The following CTNNA2 variants were observed in gnomAD, a reference collection of about 807,000 sequenced individuals.
CTNNA2 encodes catenin alpha 2.
In CTNNA2, 42 loss-of-function variants were observed where a neutral mutation model predicts 101.0. That is an observed-to-expected ratio of 0.42 (90% CI 0.32 to 0.54). CTNNA2 has a LOEUF of 0.54. Among genes scored for constraint, CTNNA2 ranks in the 20% least tolerant of loss-of-function variants. The probability of loss-of-function intolerance (pLI) is 0.14; values close to 1 mark genes in which losing one functional copy is unlikely to be tolerated. For synonymous variants in CTNNA2, 450 were observed against 456.4 expected (o/e 0.99, Z 0.18); for missense variants, 871 against 1,223.1 (o/e 0.71, Z 4.29).
chr2:79,896,275 AC>A, intron 6 of CTNNA2, among the ~76,000 whole-genome samples: 1 of 143,160 alleles, frequency 7.0e-6, no homozygotes, highest in South Asian at 2.3e-4. Flanking sequence ...AGAGTATGAG[AC>A]CCTGTCTCAA....
At chr2:80,595,102 T>C (rs901302120) in intron 15 of CTNNA2, among the ~76,000 whole-genome samples, 2 of 152,116 alleles carry the variant, frequency 1.3e-5, no homozygotes, top group Non-Finnish European at 2.9e-5. Context: ...AGTATTGACA[T>C]CTTAATATTA....
intron 2 of CTNNA2, among the ~76,000 whole-genome samples, chr2:79,233,254 T>C (rs952942662): frequency 2.0e-5 from 3 of 152,204 alleles, no homozygotes; most frequent in Non-Finnish European, 4.4e-5. Flanking sequence ...GTAAGGTGTG[T>C]CTCTATATTC....
intron 7 of CTNNA2, among the ~76,000 whole-genome samples, chr2:80,069,638 C>A (rs1205655345): frequency 2.0e-5 from 3 of 151,882 alleles, no homozygotes; most frequent in Admixed American, 6.6e-5. Context: ...TATATAAAGT[C>A]AAAACATATT....
chr2:80,224,184 A>C (rs567838116), intron 7 of CTNNA2, among the ~76,000 whole-genome samples: 2 of 152,194 alleles, frequency 1.3e-5, no homozygotes, highest in African/African-American at 4.8e-5. Flanking sequence ...GACACTCTCA[A>C]CTGCCAGCTA....
chr2:79,812,913 C>T (rs567950680), intron 3 of CTNNA2, among the ~76,000 whole-genome samples: 4 of 152,196 alleles, frequency 2.6e-5, no homozygotes, highest in African/African-American at 4.8e-5. Flanking sequence ...AGCTCAGCCT[C>T]CACACCCCAA....
At chr2:79,281,843 G>A (rs1397835778) in intron 2 of CTNNA2, among the ~76,000 whole-genome samples, 1 of 152,120 alleles carries the variant, frequency 6.6e-6, no homozygotes, top group African/African-American at 2.4e-5. Context: ...TAGATTCCAG[G>A]AGCATGTTAG....
intron 3 of CTNNA2, among the ~76,000 whole-genome samples, chr2:79,837,681 T>C (rs1325188347): frequency 6.6e-6 from 1 of 152,108 alleles, no homozygotes; most frequent in Non-Finnish European, 1.5e-5. Flanking sequence ...AATTGTTATC[T>C]TTTTACTCCC....
At chr2:79,861,432 A>C (rs1354968644) in intron 4 of CTNNA2, among the ~76,000 whole-genome samples, 1 of 152,196 alleles carries the variant, frequency 6.6e-6, no homozygotes. Flanking sequence ...TAGTCACTTG[A>C]GTAATCACAG....
At chr2:79,332,003 CAT>C (rs538875636) in intron 3 of CTNNA2, among the ~76,000 whole-genome samples, 114 of 152,198 alleles carry the variant, frequency 7.5e-4, no homozygotes, top group African/African-American at 2.3e-3. Context: ...TATGTCATGA[CAT>C]ATATCAGCTC....
intron 2 of CTNNA2, among the ~76,000 whole-genome samples, chr2:79,294,906 G>C (rs958724180): frequency 6.6e-6 from 1 of 151,994 alleles, no homozygotes; most frequent in African/African-American, 2.4e-5. Flanking sequence ...CTTATCTGCT[G>C]ATGGATATAT....
intron 3 of CTNNA2, among the ~76,000 whole-genome samples, chr2:79,761,886 C>T (rs1672812455): frequency 6.6e-6 from 1 of 152,196 alleles, no homozygotes; most frequent in South Asian, 2.1e-4. Flanking sequence ...TTACCTAATA[C>T]ATTTAAAATA....
chr2:80,114,058 G>C (rs1393074847), intron 7 of CTNNA2, among the ~76,000 whole-genome samples: 1 of 152,038 alleles, frequency 6.6e-6, no homozygotes, highest in Non-Finnish European at 1.5e-5. Flanking sequence ...CTTTCTGATG[G>C]GCACTGAGAG....
intron 7 of CTNNA2, among the ~76,000 whole-genome samples, chr2:80,189,748 T>A (rs368757986): frequency 6.7e-6 from 1 of 148,362 alleles, no homozygotes; most frequent in Non-Finnish European, 1.5e-5. Context: ...CTCAACCAGT[T>A]AAAAAAAAAA....
At chr2:79,581,778 A>G (rs1676162809) in intron 1 of CTNNA2, among the ~76,000 whole-genome samples, 1 of 152,252 alleles carries the variant, frequency 6.6e-6, no homozygotes, top group African/African-American at 2.4e-5. Context: ...TGACTAAATC[A>G]TTCTTCTGGC....
intron 7 of CTNNA2, among the ~76,000 whole-genome samples, chr2:80,308,473 T>G (rs1259890061): frequency 6.6e-6 from 1 of 152,062 alleles, no homozygotes; most frequent in Non-Finnish European, 1.5e-5. Context: ...AGAGTGGGAG[T>G]CACAATTTCA....
chr2:79,695,153 A>G lies in CTNNA2; in HGVS notation c.102+43495A>G, dbSNP rs572382863. Reference sequence around the variant, plus strand: ...TTAAAAAACTGCTAAGCTCCATTCCATTATGTTTGGAAGGTCATGGATTTA... The same window carrying G: ...TTAAAAAACTGCTAAGCTCCATTCCGTTATGTTTGGAAGGTCATGGATTTA... On this transcript the variant is annotated intron_variant, in intron 2 of 18. Coordinates refer to ENST00000402739, the MANE Select transcript of CTNNA2 (RefSeq NM_001282597.3). Among the ~76,000 whole-genome samples, 101 of 151,262 alleles carry G rather than the reference A, an allele frequency of 6.7e-4. No homozygotes were observed. The South Asian group carries it at 0.012, about 17-fold the overall frequency.
intron 1 of CTNNA2, among the ~76,000 whole-genome samples, chr2:79,605,721 T>C (rs562608100): frequency 1.3e-5 from 2 of 152,080 alleles, no homozygotes; most frequent in South Asian, 4.1e-4. Flanking sequence ...TTGGGCAACA[T>C]TGTAAGACAC....
intron 3 of CTNNA2, among the ~76,000 whole-genome samples, chr2:79,338,364 G>A (rs753144642): frequency 1.4e-4 from 22 of 151,974 alleles, no homozygotes; most frequent in African/African-American, 5.3e-4. Context: ...ACTATTCACA[G>A]TGAGTCCAGT....
At chr2:80,345,212 C>A (rs1257461045) in intron 7 of CTNNA2, among the ~76,000 whole-genome samples, 2 of 152,180 alleles carry the variant, frequency 1.3e-5, no homozygotes, top group Admixed American at 1.3e-4. Context: ...TGGCCCCCTC[C>A]CCCTTATCTC....
Sources: allele counts gnomAD v4.1 joint callset (sites outside exome capture counted in the v4.1 genomes callset), GRCh38; gene constraint gnomAD v4.1.1; transcripts MANE v1.5; gene names NCBI Gene and HGNC (gene_info 2026-07-23, HGNC 2026-07-21).